Variants in ADD3 observed in about 807,000 individuals in gnomAD.
ADD3 encodes the protein gamma-adducin.
ADD3 carries 25 observed loss-of-function variants against 80.2 expected under a neutral mutation model. That is an observed-to-expected ratio of 0.31 (90% CI 0.23 to 0.44). The LOEUF is 0.44. Among genes scored for constraint, ADD3 ranks in the 20% least tolerant of loss-of-function variants. The pLI is 1.00. For missense variants in ADD3, 829 were observed against 847.5 expected (o/e 0.98, Z 0.27); for synonymous variants, 284 against 289.6 (o/e 0.98, Z 0.20).
At chr10:110,041,771 C>T (rs1856394783) in intron 1 of ADD3, among the ~76,000 whole-genome samples, 1 of 152,142 alleles carries the variant, frequency 6.6e-6, no homozygotes, top group Non-Finnish European at 1.5e-5. Flanking sequence ...ACTGAATCAA[C>T]AAGAAGTTAC....
At chr10:109,999,300 T>C (rs776341607) in intron 1 of ADD3, among the ~76,000 whole-genome samples, 1 of 152,226 alleles carries the variant, frequency 6.6e-6, no homozygotes, top group Non-Finnish European at 1.5e-5. Flanking sequence ...TGTGCATTCA[T>C]AATGAGCTTG....
In ADD3 at chr10:110,008,066, A is replaced by T. The variant is rs2132905372; in HGVS notation, c.-263A>T. 1 of 152,142 alleles carries T rather than the reference A, an allele frequency of 6.6e-6. No individual in the cohort carries two copies. Among genetic ancestry groups the T allele is most frequent in the African/African-American group, 2.4e-5 (1 of 41,500 alleles). The allele number at this position is 152,142 out of a possible 1,614,324, so 9.4% of individuals were successfully genotyped here. A position where few individuals can be genotyped will look rare whatever the true frequency, so the allele number is the denominator to read the frequency against. Reference sequence around the variant, plus strand: ...GAGGGGTTTAAATTAGATTTTTTAAAACACAGAGCAAGCGCCAGAGGCGTC... The same window carrying T: ...GAGGGGTTTAAATTAGATTTTTTAATACACAGAGCAAGCGCCAGAGGCGTC... On this transcript the variant is annotated 5_prime_UTR_variant, in exon 1 of 15. Coordinates refer to ENST00000356080, the MANE Select transcript of ADD3 (RefSeq NM_016824.5).
intron 3 of ADD3, 46 bp downstream of exon 3, chr10:110,112,961 C>G: frequency 6.3e-7 from 1 of 1,583,770 alleles, no homozygotes; most frequent in Non-Finnish European, 8.6e-7. Context: ...TTTACTTCCA[C>G]TTTGGACCAC....
At chr10:110,040,498 G>A (rs1856177639) in intron 1 of ADD3, among the ~76,000 whole-genome samples, 1 of 152,120 alleles carries the variant, frequency 6.6e-6, no homozygotes, top group South Asian at 2.1e-4. Context: ...GCATATTTAA[G>A]TACTCATTAT....
chr10:110,107,459 A>C (rs1464399038), intron 2 of ADD3, among the ~76,000 whole-genome samples: 1 of 152,204 alleles, frequency 6.6e-6, no homozygotes, highest in African/African-American at 2.4e-5. Context: ...AGGCTAAAGC[A>C]TGAGGTAGTA....
At chr10:110,038,069 C>CAAAAAAA (rs754609555) in intron 1 of ADD3, among the ~76,000 whole-genome samples, 1 of 43,880 alleles carries the variant, frequency 2.3e-5, no homozygotes, top group South Asian at 9.1e-4. Context: ...AACTCCGTCT[C>CAAAAAAA]AAAAAAAAAA....
intron 1 of ADD3, among the ~76,000 whole-genome samples, chr10:110,018,361 C>T (rs144189201): frequency 6.6e-6 from 1 of 151,850 alleles, no homozygotes; most frequent in Non-Finnish European, 1.5e-5. Flanking sequence ...AACCCCATCT[C>T]TACTAAAAAT....
chr10:110,097,981 T>G (rs1325501113), intron 1 of ADD3, among the ~76,000 whole-genome samples: 1 of 152,160 alleles, frequency 6.6e-6, no homozygotes, highest in African/African-American at 2.4e-5. Context: ...TTCACCGTGT[T>G]GGCCAGGATG....
intron 1 of ADD3, among the ~76,000 whole-genome samples, chr10:110,080,681 T>A (rs1395053696): frequency 6.6e-6 from 1 of 152,210 alleles, no homozygotes; most frequent in East Asian, 1.9e-4. Flanking sequence ...TTTCAGTGAG[T>A]CCGACCATTC....
At chr10:110,123,955 G>A in intron 9 of ADD3, 62 bp from the exon 10 acceptor site, 1 of 1,511,468 alleles carries the variant, frequency 6.6e-7, no homozygotes, top group Non-Finnish European at 9.0e-7. Flanking sequence ...AAAGGAATTA[G>A]GATCCAAATG....
chr10:110,133,845 C>T lies in ADD3; in HGVS notation c.*227C>T, dbSNP rs947588121. 2 of 365,840 alleles carry T rather than the reference C, an allele frequency of 5.5e-6. No homozygotes were observed. The highest frequency in any genetic ancestry group is 9.7e-6 in the Non-Finnish European group (2 of 205,436). 22.7% of individuals were successfully genotyped at this position (365,840 alleles called of 1,614,324 possible). On this transcript the variant is annotated 3_prime_UTR_variant, in exon 15 of 15. Coordinates refer to ENST00000356080, the MANE Select transcript of ADD3 (RefSeq NM_016824.5). ...TTAAGCAATTACTAGTTTTAATTAGCTCTGCCCTCATGAAGTATTATTATA... is the reference window on the plus strand; with the variant it reads ...TTAAGCAATTACTAGTTTTAATTAGTTCTGCCCTCATGAAGTATTATTATA...
chr10:110,088,099 TATAAAG>T, intron 1 of ADD3, among the ~76,000 whole-genome samples: 1 of 152,288 alleles, frequency 6.6e-6, no homozygotes, highest in East Asian at 1.9e-4. Context: ...ACTTTCCTCT[TATAAAG>T]ATACTAGTCG....
intron 10 of ADD3, among the ~76,000 whole-genome samples, chr10:110,125,517 G>C (rs898494188): frequency 1.3e-5 from 2 of 151,376 alleles, no homozygotes; most frequent in African/African-American, 4.9e-5. Flanking sequence ...GTGAGTGAAT[G>C]TGAGATCATG....
intron 1 of ADD3, among the ~76,000 whole-genome samples, chr10:110,047,657 C>T (rs528427995): frequency 1.5e-4 from 23 of 152,012 alleles, no homozygotes; most frequent in African/African-American, 4.4e-4. Flanking sequence ...TGCTACTTAT[C>T]GTATGACTTA....
intron 1 of ADD3, among the ~76,000 whole-genome samples, chr10:110,073,669 C>A (rs146376001): frequency 1.3e-5 from 2 of 152,258 alleles, no homozygotes; most frequent in African/African-American, 4.8e-5. Context: ...CTCCTTGCCC[C>A]CTATTTTTCT....
At chr10:110,085,192 C>G (rs1846565651) in intron 1 of ADD3, among the ~76,000 whole-genome samples, 1 of 152,160 alleles carries the variant, frequency 6.6e-6, no homozygotes, top group Non-Finnish European at 1.5e-5. Context: ...CCTGTTTTAT[C>G]AGGAAAGAGC....
intron 1 of ADD3, among the ~76,000 whole-genome samples, chr10:110,063,744 T>TATATATATATATA (rs1843518428): frequency 1.1e-4 from 3 of 27,432 alleles, no homozygotes; most frequent in African/African-American, 4.6e-4. Context: ...TCATTATATA[T>TATATATATATATA]ATATATATAT....
At chr10:110,090,371 C>T (rs563256220) in intron 1 of ADD3, among the ~76,000 whole-genome samples, 8 of 152,124 alleles carry the variant, frequency 5.3e-5, no homozygotes, top group African/African-American at 1.7e-4. Context: ...AGGCATGTAT[C>T]ACCACGCCCA....
chr10:109,998,162 G>A (rs1388404600), intron 1 of ADD3, among the ~76,000 whole-genome samples: 4 of 152,180 alleles, frequency 2.6e-5, no homozygotes. Flanking sequence ...ACTCTGAAGA[G>A]AAGAAAGAGG....
Sources: gnomAD v4.1 joint callset for allele counts (sites outside exome capture counted in the v4.1 genomes callset) on GRCh38, gnomAD v4.1.1 for gene constraint, MANE v1.5 for transcripts, NCBI Gene and HGNC (gene_info 2026-07-23, HGNC 2026-07-21) for gene names.